POFUT3: variants seen among roughly 807,000 people sequenced by gnomAD.
POFUT3 encodes the protein protein O-fucosyltransferase 3.
At chr8:33,460,695 G>A in the POFUT3 span, 5,527 of 982,316 alleles carry the variant, frequency 5.6e-3, 22 homozygotes, top group Non-Finnish European at 6.3e-3. Flanking sequence ...AGGAGCTTAC[G>A]AGAATCTCAA....
chr8:33,347,699 G>A, the POFUT3 span, among the ~76,000 whole-genome samples: 3 of 152,178 alleles, frequency 2.0e-5, no homozygotes, highest in Non-Finnish European at 4.4e-5. Context: ...ATAGAGAAAA[G>A]GATACCACCT....
the POFUT3 span, among the ~76,000 whole-genome samples, chr8:33,316,572 A>G: frequency 1.8e-4 from 24 of 130,698 alleles, no homozygotes; most frequent in African/African-American, 6.8e-4. Flanking sequence ...ACTACAAAAA[A>G]AAAGAAAGAA....
chr8:33,428,993 A>C, the POFUT3 span, among the ~76,000 whole-genome samples: 4 of 152,234 alleles, frequency 2.6e-5, no homozygotes, highest in Non-Finnish European at 5.9e-5. Flanking sequence ...TTTGTACAGC[A>C]GCTCACCTGA....
At chr8:33,381,657 T>C in the POFUT3 span, among the ~76,000 whole-genome samples, 1 of 152,210 alleles carries the variant, frequency 6.6e-6, no homozygotes, top group Non-Finnish European at 1.5e-5. Context: ...TGCACTTAAA[T>C]GCAGCATTTG....
chr8:33,369,712 G>T, the POFUT3 span, among the ~76,000 whole-genome samples: 1 of 152,126 alleles, frequency 6.6e-6, no homozygotes, highest in Non-Finnish European at 1.5e-5. Context: ...GTTCTTCTAT[G>T]TGTAATATAC....
At chr8:33,368,183 T>C in the POFUT3 span, among the ~76,000 whole-genome samples, 1 of 152,144 alleles carries the variant, frequency 6.6e-6, no homozygotes, top group Admixed American at 6.6e-5. Context: ...CTCAGGAAGA[T>C]AAAAGAAGGT....
the POFUT3 span, among the ~76,000 whole-genome samples, chr8:33,443,820 A>G: frequency 6.6e-6 from 1 of 152,006 alleles, no homozygotes; most frequent in Non-Finnish European, 1.5e-5. Context: ...CATGCATGCA[A>G]TCATTTATTC....
the POFUT3 span, among the ~76,000 whole-genome samples, chr8:33,472,425 A>G: frequency 2.6e-5 from 4 of 152,226 alleles, no homozygotes; most frequent in Non-Finnish European, 4.4e-5. Context: ...TTTACAAAAA[A>G]TGAGCTCTGT....
At chr8:33,426,626 G>A in the POFUT3 span, among the ~76,000 whole-genome samples, 7 of 152,190 alleles carry the variant, frequency 4.6e-5, no homozygotes, top group African/African-American at 1.7e-4. Flanking sequence ...TCCGATCTAA[G>A]GCAAAACCTT....
At chr8:33,453,197 A>G in the POFUT3 span, 1 of 1,608,120 alleles carries the variant, frequency 6.2e-7, no homozygotes, top group South Asian at 1.1e-5. Flanking sequence ...CAAGGGAGAA[A>G]GGCGAAAGTC....
At chr8:33,450,309 G>T in the POFUT3 span, among the ~76,000 whole-genome samples, 1 of 152,182 alleles carries the variant, frequency 6.6e-6, no homozygotes. Context: ...ACAAAGACTT[G>T]TTGGCTTTTC....
the POFUT3 span, among the ~76,000 whole-genome samples, chr8:33,433,126 C>T: frequency 6.9e-4 from 105 of 151,824 alleles, no homozygotes; most frequent in African/African-American, 2.4e-3. Flanking sequence ...CCCAGCTACT[C>T]GGGAGGCTGA....
At chr8:33,411,293 G>A in the POFUT3 span, among the ~76,000 whole-genome samples, 45 of 152,294 alleles carry the variant, frequency 3.0e-4, no homozygotes, top group Admixed American at 2.6e-3. Context: ...TTAATCCACA[G>A]CACAGCTGGA....
the POFUT3 span, among the ~76,000 whole-genome samples, chr8:33,316,126 C>A: frequency 6.6e-6 from 1 of 152,228 alleles, no homozygotes; most frequent in Non-Finnish European, 1.5e-5. Context: ...CACTGATCTA[C>A]TATTTATTAC....
chr8:33,461,590 A>G, the POFUT3 span: 1 of 1,540,712 alleles, frequency 6.5e-7, no homozygotes, highest in Non-Finnish European at 8.7e-7. Context: ...TGCTGGGACC[A>G]GGTCTCCATG....
chr8:33,380,414 A>C, the POFUT3 span, among the ~76,000 whole-genome samples: 1 of 150,276 alleles, frequency 6.7e-6, no homozygotes, highest in African/African-American at 2.5e-5. Flanking sequence ...ACATTGTATG[A>C]TTCTAAGACC....
At chr8:33,377,560 T>G in the POFUT3 span, 17 of 152,168 alleles carry the variant, frequency 1.1e-4, no homozygotes, top group African/African-American at 4.1e-4. Flanking sequence ...GCCCATCAAG[T>G]GTAGGATAAA....
the POFUT3 span, chr8:33,389,580 C>G: frequency 6.2e-7 from 1 of 1,614,194 alleles, no homozygotes; most frequent in South Asian, 1.1e-5. Flanking sequence ...TGCAAAGGAA[C>G]TAGGTATCGG....
the POFUT3 span, among the ~76,000 whole-genome samples, chr8:33,377,317 C>T: frequency 3.3e-5 from 5 of 151,374 alleles, no homozygotes; most frequent in Non-Finnish European, 1.5e-5. Flanking sequence ...TTTGTCAAAA[C>T]AAACAAAAGA....
Sources: allele counts gnomAD v4.1 joint callset (sites outside exome capture counted in the v4.1 genomes callset), GRCh38; gene constraint gnomAD v4.1.1; transcripts MANE v1.5; gene names NCBI Gene and HGNC (gene_info 2026-07-23, HGNC 2026-07-21).